C6: variants seen among roughly 807,000 people sequenced by gnomAD.
C6 encodes complement component C6.
Under a neutral mutation model 112.9 loss-of-function variants are expected in C6, and 101 were observed. The observed-to-expected ratio is 0.89, with a 90% CI of 0.76 to 1.06. The LOEUF (loss-of-function observed/expected upper bound fraction) is 1.06. Ranked by LOEUF, C6 falls within the 50% of genes least tolerant of loss-of-function variation. The pLI, the probability that C6 is intolerant of heterozygous loss-of-function variation, is 0.00. For missense variants in C6, 1,202 were observed against 1,104.6 expected (o/e 1.09, Z -1.25); for synonymous variants, 431 against 384.1 (o/e 1.12, Z -1.43).
chr5:41,175,025 G>A (rs779147227), intron 8 of C6, among the ~76,000 whole-genome samples: 21 of 152,040 alleles, frequency 1.4e-4, no homozygotes, highest in African/African-American at 2.4e-4. Context: ...CAAGAATATC[G>A]AATACATCTT....
intron 10 of C6, among the ~76,000 whole-genome samples, chr5:41,161,059 G>A (rs1486597702): frequency 7.9e-5 from 12 of 152,104 alleles, no homozygotes; most frequent in Non-Finnish European, 1.8e-4. Context: ...GCAGGCAAAT[G>A]ATTCTATTTT....
At chr5:41,258,802 G>T (rs773308480) in intron 1 of C6, among the ~76,000 whole-genome samples, 15 of 152,160 alleles carry the variant, frequency 9.9e-5, no homozygotes, top group Non-Finnish European at 2.2e-4. Context: ...TTCACAGAGT[G>T]GCAGGAGAGA....
At chr5:41,178,836 G>A (rs1384836707) in intron 7 of C6, among the ~76,000 whole-genome samples, 1 of 150,574 alleles carries the variant, frequency 6.6e-6, no homozygotes, top group Non-Finnish European at 1.5e-5. Flanking sequence ...TGACAGTAAT[G>A]ATGTTGGATT....
chr5:41,189,884 G>A (rs796728949), intron 5 of C6, among the ~76,000 whole-genome samples: 16 of 152,090 alleles, frequency 1.1e-4, no homozygotes, highest in African/African-American at 3.9e-4. Flanking sequence ...TTTTGTTTCT[G>A]GCTTATTTCA....
At chr5:41,229,987 T>C (rs76393592) in intron 1 of C6, among the ~76,000 whole-genome samples, 4,217 of 152,260 alleles carry the variant, frequency 0.028, 221 homozygotes, top group African/African-American at 0.096. Flanking sequence ...TAATTTCTTA[T>C]GTCTGTCTTT....
chr5:41,229,969 T>C (rs963726960), intron 1 of C6, among the ~76,000 whole-genome samples: 1 of 152,194 alleles, frequency 6.6e-6, no homozygotes, highest in Non-Finnish European at 1.5e-5. Context: ...CCAAAATTAA[T>C]ACTTTTCTAA....
chr5:41,178,870 T>TTTG (rs368258355), intron 7 of C6, among the ~76,000 whole-genome samples: 158 of 148,230 alleles, frequency 1.1e-3, no homozygotes, highest in African/African-American at 3.8e-3. Context: ...CTAACAATTT[T>TTTG]TTGTTGTTGT....
chr5:41,205,659 G>A (rs1270103556), intron 1 of C6, among the ~76,000 whole-genome samples: 1 of 152,230 alleles, frequency 6.6e-6, no homozygotes. Context: ...GCAAGGCACA[G>A]GGAGGCTGGC....
chr5:41,205,207 C>T (rs917024578), intron 1 of C6, among the ~76,000 whole-genome samples: 1 of 152,132 alleles, frequency 6.6e-6, no homozygotes, highest in East Asian at 1.9e-4. Flanking sequence ...AGATATGCTG[C>T]TAGAGTCCTA....
At chr5:41,218,509 A>G (rs543737726), upstream of C6, among the ~76,000 whole-genome samples, 5 of 152,288 alleles carry the variant, frequency 3.3e-5, no homozygotes, top group Admixed American at 3.3e-4. Context: ...TGTTTATCCA[A>G]CTATTGTGTC....
intron 1 of C6, among the ~76,000 whole-genome samples, chr5:41,250,868 G>T (rs1389503311): frequency 6.6e-6 from 1 of 152,188 alleles, no homozygotes; most frequent in Non-Finnish European, 1.5e-5. Context: ...GGAAAGAGAT[G>T]TCACCTTCCC....
intron 1 of C6, among the ~76,000 whole-genome samples, chr5:41,230,639 T>G (rs1158866284): frequency 6.6e-6 from 1 of 152,142 alleles, no homozygotes; most frequent in Non-Finnish European, 1.5e-5. Context: ...TGCCTTTGCC[T>G]TTGTGATCTT....
intron 16 of C6, 143 bp from the exon 17 acceptor site, chr5:41,149,625 A>G (rs1186171019): frequency 1.9e-6 from 2 of 1,074,182 alleles, no homozygotes; most frequent in Non-Finnish European, 2.8e-6. Flanking sequence ...GGCTTGAGTG[A>G]GAGGAACAGG....
intron 10 of C6, 92 bp downstream of exon 10, chr5:41,161,601 A>T: frequency 9.6e-7 from 1 of 1,040,126 alleles, no homozygotes; most frequent in Non-Finnish European, 1.5e-6. Flanking sequence ...TCATTGTCTG[A>T]GAAGAAAATG....
chr5:41,162,694 G>A (rs1051101484), intron 9 of C6, among the ~76,000 whole-genome samples: 1 of 152,132 alleles, frequency 6.6e-6, no homozygotes, highest in Admixed American at 6.6e-5. Flanking sequence ...CTATCAGTAA[G>A]AATTAGCTAT....
chr5:41,145,155 C>T (rs1447849136), intron 17 of C6, among the ~76,000 whole-genome samples: 5 of 152,168 alleles, frequency 3.3e-5, no homozygotes, highest in Admixed American at 1.3e-4. Context: ...TCAAGGAATT[C>T]TGTTTTAAGT....
At chr5:41,238,179 A>G in intron 1 of C6, among the ~76,000 whole-genome samples, 1 of 113,096 alleles carries the variant, frequency 8.8e-6, no homozygotes, top group Non-Finnish European at 1.8e-5. Flanking sequence ...ATTCAATGCC[A>G]TCCCCATCAA....
At chr5:41,212,257 G>T (rs559349435) in intron 1 of C6, among the ~76,000 whole-genome samples, 1 of 152,188 alleles carries the variant, frequency 6.6e-6, no homozygotes, top group South Asian at 2.1e-4. Context: ...AGCCTCCTGG[G>T]TTCAAGCAAT....
chr5:41,154,670 G>A (rs562372890), intron 14 of C6, among the ~76,000 whole-genome samples: 1 of 152,324 alleles, frequency 6.6e-6, no homozygotes, highest in South Asian at 2.1e-4. Context: ...ATTGGGCAAA[G>A]CAGATGTCTG....
Sources: gnomAD v4.1 joint callset for allele counts (sites outside exome capture counted in the v4.1 genomes callset) on GRCh38, gnomAD v4.1.1 for gene constraint, MANE v1.5 for transcripts, NCBI Gene and HGNC (gene_info 2026-07-23, HGNC 2026-07-21) for gene names.